Variants in TLK2 observed in about 807,000 individuals in gnomAD.
The protein encoded by TLK2 is tousled like kinase 2.
In TLK2, 6 loss-of-function variants were observed where a neutral mutation model predicts 117.3. The ratio of observed to expected loss-of-function variants is 0.05; its 90% CI spans 0.03 to 0.10. The LOEUF is 0.10. TLK2 is among the 10% of genes least tolerant of loss of function. TLK2 has a pLI of 1.00. For missense variants in TLK2, 299 were observed against 901.2 expected, an observed-to-expected ratio of 0.33 and a Z score of 8.56; for synonymous variants, 257 against 316.7, an observed-to-expected ratio of 0.81 and a Z score of 2.00.
chr17:62,547,522 T>C (rs1023262961), intron 7 of TLK2, among the ~76,000 whole-genome samples: 3 of 152,180 alleles, frequency 2.0e-5, no homozygotes, highest in African/African-American at 7.2e-5. Context: ...TAGTACCTTT[T>C]ACCTTTTGAA....
upstream of TLK2, among the ~76,000 whole-genome samples, chr17:62,474,814 C>T (rs1191147963): frequency 1.3e-5 from 2 of 151,696 alleles, no homozygotes; most frequent in African/African-American, 2.4e-5. Context: ...GCGTGAGCCA[C>T]TACACCTGGC....
chr17:62,602,048 T>C lies in TLK2; in HGVS notation c.1727T>C (p.Ile576Thr). ...IIHYDLKPGN[I>T]LLVNGTACGE... Reference sequence around the variant, plus strand: ...GAAGGTTTTTATTTTTTAGGTAATATTCTTTTAGTAAATGGTACAGCGTGT... The same window carrying C: ...GAAGGTTTTTATTTTTTAGGTAATACTCTTTTAGTAAATGGTACAGCGTGT... The change falls in exon 19 of 22, where the codon ATT becomes ACT. Residue 576 changes from isoleucine (I) to threonine (T), a missense_variant. Ile to Thr is a moderately conservative substitution (Grantham distance 89). This residue lies in a region of TLK2 where 81 missense variants were observed against 370.9 expected (regional missense o/e 0.22). Transcript: ENST00000346027. 1 of 1,609,724 alleles carries C rather than the reference T, an allele frequency of 6.2e-7. No homozygotes were observed. Among genetic ancestry groups the C allele is most frequent in the Non-Finnish European group, 8.5e-7 (1 of 1,178,976 alleles).
At chr17:62,516,731 C>A in intron 2 of TLK2, 2 of 1,591,050 alleles carry the variant, frequency 1.3e-6, no homozygotes, top group South Asian at 2.2e-5. Context: ...AAAAGGAGTT[C>A]ATAAATGGCA....
At chr17:62,581,038 G>C (rs1164456606) in intron 15 of TLK2, among the ~76,000 whole-genome samples, 1 of 151,510 alleles carries the variant, frequency 6.6e-6, no homozygotes, top group Non-Finnish European at 1.5e-5. Context: ...TTAGAGATGG[G>C]GTCTTGCTCT....
intron 19 of TLK2, among the ~76,000 whole-genome samples, chr17:62,603,670 G>T (rs2083040139): frequency 6.6e-6 from 1 of 152,100 alleles, no homozygotes; most frequent in African/African-American, 2.4e-5. Flanking sequence ...TGGGAGAAAT[G>T]GTGGAGATTG....
At chr17:62,602,300 C>T (rs1332764739) in intron 19 of TLK2, 120 bp downstream of exon 19, 1 of 945,212 alleles carries the variant, frequency 1.1e-6, no homozygotes, top group Middle Eastern at 2.5e-4. Flanking sequence ...TAAACCAAAG[C>T]AGACTTTCTC....
chr17:62,504,931 C>T (rs1327947997), intron 2 of TLK2, among the ~76,000 whole-genome samples: 1 of 152,098 alleles, frequency 6.6e-6, no homozygotes, highest in African/African-American at 2.4e-5. Flanking sequence ...GCAACCTCCG[C>T]CTCGCAGTTT....
At chr17:62,489,123 A>G (rs968728184) in intron 2 of TLK2, among the ~76,000 whole-genome samples, 1 of 150,770 alleles carries the variant, frequency 6.6e-6, no homozygotes, top group African/African-American at 2.4e-5. Context: ...ATTTAACTCC[A>G]TTTATTCCCC....
chr17:62,519,617 C>A (rs1257025771), intron 2 of TLK2, among the ~76,000 whole-genome samples: 1 of 152,070 alleles, frequency 6.6e-6, no homozygotes, highest in Admixed American at 6.6e-5. Context: ...AGTTCGAGAC[C>A]AGCCTGGCCA....
At chr17:62,483,040 G>C (rs2071875964) in intron 2 of TLK2, among the ~76,000 whole-genome samples, 1 of 152,162 alleles carries the variant, frequency 6.6e-6, no homozygotes, top group Non-Finnish European at 1.5e-5. Flanking sequence ...ATTTACAAAT[G>C]TAAACTCTCT....
rs549529056 is a variant in TLK2, at chr17:62,581,542, G to GTAC, written c.1368+1352_1368+1354dup. The stretch of plus-strand genomic sequence containing the variant: ...CAACCTCCCACTCCAGAGCTGAAGT[G>GTAC]TACTCCCATCTCAGCCTCCCAAAGT... On this transcript the variant is annotated intron_variant, in intron 15 of 21. Transcript: ENST00000346027. Among the ~76,000 whole-genome samples the GTAC allele has an allele frequency of 8.6e-3, 1,285 of 150,252 alleles. 12 individuals are homozygous for GTAC. The highest frequency in any genetic ancestry group is 0.011 in the Non-Finnish European group (737 of 67,760).
chr17:62,473,649 T>TGA (rs2070983101), intron 1 of TLK2, among the ~76,000 whole-genome samples: 1 of 152,156 alleles, frequency 6.6e-6, no homozygotes, highest in Non-Finnish European at 1.5e-5. Flanking sequence ...CTCCAGGTGA[T>TGA]TATGATGCAA....
chr17:62,612,326 C>T, intron 21 of TLK2, 66 bp from the exon 22 acceptor site: 1 of 1,544,846 alleles, frequency 6.5e-7, no homozygotes, highest in Non-Finnish European at 8.8e-7. Context: ...CGATAGAGAG[C>T]CTTAGGGTTC....
rs543686875 is a variant in TLK2, at chr17:62,517,395, G to T, written c.82-3378G>T. On this transcript the variant is annotated intron_variant, in intron 2 of 21. Transcript: ENST00000346027. ...GCTTTGTAATTTTTTATTTTTTATTGATTTATTTATTTATTTTGAGACGGA... is the reference window on the plus strand; with the variant it reads ...GCTTTGTAATTTTTTATTTTTTATTTATTTATTTATTTATTTTGAGACGGA... Among the ~76,000 whole-genome samples, 20 of 151,808 alleles carry T rather than the reference G, an allele frequency of 1.3e-4. No homozygotes were observed. The East Asian group carries it at 1.6e-3, about 12-fold the overall frequency.
intron 2 of TLK2, among the ~76,000 whole-genome samples, chr17:62,485,977 C>T (rs2072317140): frequency 6.6e-6 from 1 of 151,616 alleles, no homozygotes; most frequent in African/African-American, 2.4e-5. Context: ...CCTGCCACCA[C>T]GCACAGCTAA....
chr17:62,570,534 C>A (rs2080199734), intron 11 of TLK2, among the ~76,000 whole-genome samples: 1 of 152,138 alleles, frequency 6.6e-6, no homozygotes, highest in South Asian at 2.1e-4. Flanking sequence ...TTTGTACTCC[C>A]AAAATAAATC....
rs578018311 is a variant in TLK2 at position 62,574,567 on chromosome 17, G to A, written c.1121+1200G>A. Among the ~76,000 whole-genome samples, 18 of 151,970 alleles carry A rather than the reference G, an allele frequency of 1.2e-4. No homozygotes were observed. In the South Asian group the frequency reaches 3.5e-3, roughly 30 times the overall value. On this transcript the variant is annotated intron_variant, in intron 12 of 21. Transcript: ENST00000346027. ...AAGTCTCACTCCGTCGCCCAGGCCA[G>A]AGTGCAGTGGTGCTATCTCGGCTCA...
intron 7 of TLK2, among the ~76,000 whole-genome samples, chr17:62,542,187 C>G (rs544597338): frequency 1.3e-5 from 2 of 152,142 alleles, no homozygotes; most frequent in Non-Finnish European, 2.9e-5. Context: ...TAAAATTCTT[C>G]CCTTGGATTT....
At chr17:62,546,309 G>A (rs898612931) in intron 7 of TLK2, among the ~76,000 whole-genome samples, 1 of 145,718 alleles carries the variant, frequency 6.9e-6, no homozygotes, top group African/African-American at 2.5e-5. Flanking sequence ...CACTGCACCC[G>A]GCTGAGAAAG....
Sources: gnomAD v4.1 joint callset for allele counts (sites outside exome capture counted in the v4.1 genomes callset) on GRCh38, gnomAD v4.1.1 for gene constraint, gnomAD v4.1.1 regional missense constraint, MANE v1.5 for transcripts, NCBI Gene and HGNC (gene_info 2026-07-23, HGNC 2026-07-21) for gene names.